Variants in THADA observed in about 807,000 individuals in gnomAD.
THADA encodes the protein THADA armadillo repeat containing.
THADA carries 213 observed loss-of-function variants against 219.8 expected under a neutral mutation model. The ratio of observed to expected loss-of-function variants is 0.97; its 90% CI spans 0.87 to 1.09. THADA has a LOEUF of 1.09. Among genes scored for constraint, THADA ranks in the 50% least tolerant of loss-of-function variants. The probability of loss-of-function intolerance (pLI) is 0.00; values close to 1 mark genes in which losing one functional copy is unlikely to be tolerated. For synonymous variants in THADA, 1,018 were observed against 828.9 expected, an observed-to-expected ratio of 1.23 and a Z score of -3.92; for missense variants, 2,956 against 2,311.3, an observed-to-expected ratio of 1.28 and a Z score of -5.72.
intron 31 of THADA, among the ~76,000 whole-genome samples, chr2:43,316,595 TGGA>T (rs1413806543): frequency 6.6e-6 from 1 of 152,156 alleles, no homozygotes; most frequent in African/African-American, 2.4e-5. Context: ...GCTGCACGGC[TGGA>T]GGAGACTGGA....
intron 16 of THADA, among the ~76,000 whole-genome samples, chr2:43,558,161 G>T (rs1697614682): frequency 6.6e-6 from 1 of 152,138 alleles, no homozygotes; most frequent in Non-Finnish European, 1.5e-5. Flanking sequence ...AAAGACCTAG[G>T]ATATGCAGCT....
intron 22 of THADA, among the ~76,000 whole-genome samples, chr2:43,511,659 C>A (rs928090150): frequency 3.3e-5 from 5 of 152,080 alleles, no homozygotes; most frequent in Non-Finnish European, 7.4e-5. Context: ...ACAACACACA[C>A]ACCTCATATT....
chr2:43,435,554 C>T (rs546475704), intron 26 of THADA, among the ~76,000 whole-genome samples: 9 of 151,956 alleles, frequency 5.9e-5, no homozygotes, highest in African/African-American at 1.9e-4. Flanking sequence ...AGGCTGAGGC[C>T]AGCAAATTAC....
rs909354295 is a variant in THADA, at chr2:43,400,139, G to T, written c.4059-2000C>A. 1.1e-4 allele frequency among the ~76,000 whole-genome samples: 17 copies of T among 152,216 alleles called. No homozygotes were observed. In the South Asian group the frequency reaches 2.7e-3, roughly 24 times the overall value. On this transcript the variant is annotated intron_variant, in intron 28 of 37. Transcript: ENST00000405975. ...CAATTAGCAGTGACTGTACACTAAA[G>T]AATGCCCCTCCTTTTGCTCCTGACT...
chr2:43,587,014 A>C lies in THADA; in HGVS notation c.303-12T>G. 1 of 1,609,196 alleles carries C rather than the reference A, an allele frequency of 6.2e-7. No homozygotes were observed. The highest frequency in any genetic ancestry group is 1.3e-5 in the African/African-American group (1 of 74,892). ...GGCTATTTAGTGAGCTAGAAAAAGAAACAAATATTAAAAATCTGACAATCT... is the reference window on the plus strand; with the variant it reads ...GGCTATTTAGTGAGCTAGAAAAAGACACAAATATTAAAAATCTGACAATCT... On this transcript the variant is annotated splice_polypyrimidine_tract_variant and intron_variant, in intron 4 of 37. Transcript: ENST00000405975.
Position 43,344,130 on chromosome 2 carries a change from C to G in THADA, c.4335G>C (p.Leu1445=), listed in dbSNP as rs111427377. Residue 1445 remains leucine, a synonymous_variant, in exon 30 of 38, where the codon CTG becomes CTC. Transcript: ENST00000405975. Reference sequence around the variant, plus strand: ...GTGGGATTTTAACATACCTCTTGGCCAGCCAGAGTTTGGCTTTGGTACAAA... The same window carrying G: ...GTGGGATTTTAACATACCTCTTGGCGAGCCAGAGTTTGGCTTTGGTACAAA... ...ITVCTKAKLW[L]AKRQNPCLVT... is the part of the protein sequence containing the mutation. The G allele has an allele frequency of 3.2e-5, 51 of 1,607,834 alleles. 2 individuals carry two copies. The African/African-American group carries it at 4.3e-4, about 13-fold the overall frequency.
intron 31 of THADA, among the ~76,000 whole-genome samples, chr2:43,309,359 A>G (rs2104431651): frequency 6.6e-6 from 1 of 152,362 alleles, no homozygotes; most frequent in Middle Eastern, 3.4e-3. Context: ...AGAGAAATGA[A>G]AACATATGAC....
intron 36 of THADA, among the ~76,000 whole-genome samples, chr2:43,256,612 A>T (rs1047519501): frequency 4.1e-5 from 6 of 146,952 alleles, no homozygotes; most frequent in East Asian, 2.0e-4. Context: ...TAAATAAATA[A>T]TTTTTTTTTT....
intron 20 of THADA, among the ~76,000 whole-genome samples, chr2:43,548,620 G>C (rs905019752): frequency 2.0e-5 from 3 of 152,206 alleles, no homozygotes; most frequent in Admixed American, 1.3e-4. Context: ...TTTGATCTCA[G>C]ACTGCTGTGC....
intron 20 of THADA, among the ~76,000 whole-genome samples, chr2:43,542,542 GA>G (rs1695462238): frequency 6.6e-6 from 1 of 152,164 alleles, no homozygotes; most frequent in African/African-American, 2.4e-5. Flanking sequence ...CAGCACTGCA[GA>G]AAATTCAGTA....
At position 43,527,944 on chromosome 2, in the gene THADA, G is replaced by A; in HGVS notation, c.3309C>T (p.Ser1103=). The change falls in exon 22 of 38, where the codon TCC becomes TCT. Residue 1103 remains serine (S), a synonymous_variant. Transcript: ENST00000405975. The part of the protein sequence containing the change: ...GDYFKQHLLQ[S]RHRGAFELAY... ...CCAATTCAAATGCTCCTCTGTGCCTGGACTGCAAAAGGTGTTGTTTAAAGT... is the reference window on the plus strand; with the variant it reads ...CCAATTCAAATGCTCCTCTGTGCCTAGACTGCAAAAGGTGTTGTTTAAAGT... 6.2e-7 allele frequency: 1 copy of A among 1,613,430 alleles called. No individual in the cohort carries two copies. Among genetic ancestry groups the A allele is most frequent in the South Asian group, 1.1e-5 (1 of 91,048 alleles).
intron 29 of THADA, among the ~76,000 whole-genome samples, chr2:43,389,882 C>G (rs1021779316): frequency 5.3e-5 from 8 of 152,148 alleles, no homozygotes; most frequent in Admixed American, 6.5e-5. Context: ...TAACATGTAG[C>G]CACGTATTTC....
At chr2:43,282,197 ATTAAC>A (rs924228543) in intron 35 of THADA, among the ~76,000 whole-genome samples, 31 of 152,352 alleles carry the variant, frequency 2.0e-4, no homozygotes, top group African/African-American at 6.5e-4. Flanking sequence ...GCAAAATGGT[ATTAAC>A]TTTACTGGAG....
intron 29 of THADA, among the ~76,000 whole-genome samples, chr2:43,347,601 C>T (rs953174143): frequency 2.6e-5 from 4 of 152,064 alleles, no homozygotes; most frequent in Admixed American, 1.3e-4. Flanking sequence ...GTAACAAATG[C>T]ACCACATAAA....
At chr2:43,388,909 A>C (rs1673023620) in intron 29 of THADA, among the ~76,000 whole-genome samples, 1 of 152,126 alleles carries the variant, frequency 6.6e-6, no homozygotes, top group African/African-American at 2.4e-5. Context: ...CATCTACACC[A>C]GTGATTCTTA....
intron 29 of THADA, among the ~76,000 whole-genome samples, chr2:43,365,813 A>G (rs1287911763): frequency 3.3e-5 from 5 of 152,120 alleles, no homozygotes; most frequent in Non-Finnish European, 7.4e-5. Flanking sequence ...CTGAAGATGG[A>G]AAGGCCAGGA....
chr2:43,415,707 G>A (rs1252279026), intron 28 of THADA, among the ~76,000 whole-genome samples: 1 of 152,086 alleles, frequency 6.6e-6, no homozygotes, highest in Non-Finnish European at 1.5e-5. Flanking sequence ...GTCAGGCTGT[G>A]GAGCCCCCGA....
intron 36 of THADA, among the ~76,000 whole-genome samples, chr2:43,267,830 G>C (rs1405568644): frequency 6.6e-6 from 1 of 152,190 alleles, no homozygotes; most frequent in Admixed American, 6.5e-5. Context: ...ACTTGTTTAA[G>C]CCACTATTAA....
intron 26 of THADA, among the ~76,000 whole-genome samples, chr2:43,444,525 G>A (rs751791198): frequency 3.1e-4 from 47 of 152,248 alleles, no homozygotes; most frequent in Non-Finnish European, 4.9e-4. Flanking sequence ...GGCCATTTTG[G>A]TAGGCTTTTA....
Sources: gnomAD v4.1 joint callset for allele counts (sites outside exome capture counted in the v4.1 genomes callset) on GRCh38, gnomAD v4.1.1 for gene constraint, MANE v1.5 for transcripts, NCBI Gene and HGNC (gene_info 2026-07-23, HGNC 2026-07-21) for gene names.